Variants in CROCC2 observed in about 807,000 individuals in gnomAD.
CROCC2 encodes ciliary rootlet coiled-coil protein 2.
Under a neutral mutation model 177.6 loss-of-function variants are expected in CROCC2, and 163 were observed. The observed-to-expected ratio is 0.92, with a 90% CI of 0.81 to 1.05. The LOEUF (loss-of-function observed/expected upper bound fraction) is 1.05, where lower values mean the gene tolerates loss of function less well. CROCC2 is among the 50% of genes least tolerant of loss of function. The probability of loss-of-function intolerance (pLI) is 0.00; values close to 1 mark genes in which losing one functional copy is unlikely to be tolerated. For synonymous variants in CROCC2, 904 were observed against 787.3 expected (o/e 1.15, Z -2.48); for missense variants, 1,929 against 1,797.8 (o/e 1.07, Z -1.32).
chr2:240,913,483 T>G (rs2059300668), intron 1 of CROCC2, among the ~76,000 whole-genome samples: 1 of 152,244 alleles, frequency 6.6e-6, no homozygotes, highest in African/African-American at 2.4e-5. Context: ...GCTCTCAGTC[T>G]TCTGAGCAGG....
chr2:240,983,581 A>G, intron 28 of CROCC2: 1 of 1,281,034 alleles, frequency 7.8e-7, no homozygotes, highest in Non-Finnish European at 1.0e-6. Context: ...TCGCACAGGT[A>G]GGCGGCAGCG....
Position 240,949,281 on chromosome 2 carries a change from C to T in CROCC2, c.2482+184C>T, listed in dbSNP as rs893396565. The T allele has an allele frequency of 3.6e-5, 30 of 825,194 alleles. No individual in the cohort carries two copies. Among genetic ancestry groups the T allele is most frequent in the Middle Eastern group, 6.0e-4 (1 of 1,658 alleles). 51.1% of individuals were successfully genotyped at this position (825,194 alleles called of 1,614,324 possible). On this transcript the variant is annotated intron_variant, in intron 16 of 31. Transcript: ENST00000690015. This position sits in a 1 kb window ranked among gnomAD's most constrained non-coding sequence, Gnocchi z 4.5. ...CCCTCGCCCATGAGGAGCAGCAACA[C>T]CCTGCCCAGGCTGCACCTGGTGCCA... is the stretch of plus-strand genomic sequence containing the variant.
intron 26 of CROCC2, 24 bp from the exon 27 acceptor site, chr2:240,968,105 C>G: frequency 7.1e-7 from 1 of 1,415,500 alleles, no homozygotes; most frequent in Non-Finnish European, 9.2e-7. Context: ...GGGGGCCCCT[C>G]AAGCCACCCT....
intron 14 of CROCC2, among the ~76,000 whole-genome samples, chr2:240,939,781 C>T (rs1396249309): frequency 1.3e-5 from 2 of 152,100 alleles, no homozygotes; most frequent in Non-Finnish European, 2.9e-5. Context: ...TTTTCTCTTT[C>T]CCCATGTGAT....
At chr2:240,975,886 C>T (rs1010526701) in intron 27 of CROCC2, among the ~76,000 whole-genome samples, 6 of 151,962 alleles carry the variant, frequency 3.9e-5, no homozygotes, top group Admixed American at 6.6e-5. Context: ...CCCGCCACCA[C>T]GCCCGGCTAA....
rs1439009507 is a variant in CROCC2 at position 240,965,495 on chromosome 2, A to G, written c.3580A>G (p.Lys1194Glu). The G allele has an allele frequency of 6.5e-7, 1 of 1,550,198 alleles. No homozygotes were observed. Among genetic ancestry groups the G allele is most frequent in the Admixed American group, 2.0e-5 (1 of 51,002 alleles). ...GAGGCAGGCAGCCAAGGCAGAGGCCAAGCACGAGGGTGCCCGGAAGGAGGT... is the reference window on the plus strand; with the variant it reads ...GAGGCAGGCAGCCAAGGCAGAGGCCGAGCACGAGGGTGCCCGGAAGGAGGT... ...LRRQAAKAEA[K>E]HEGARKEVLG... The change falls in exon 23 of 32, where the codon AAG (lysine) becomes GAG (glutamate). Residue 1194 changes from lysine to glutamate, a missense_variant. Physicochemically the swap from Lys to Glu is moderately conservative, Grantham distance 56. Around this residue, in one of 3 missense-constraint regions of CROCC2, gnomAD observed 144 missense variants for 205.2 expected, o/e 0.70. Transcript: ENST00000690015.
intron 27 of CROCC2, among the ~76,000 whole-genome samples, chr2:240,975,137 G>C (rs78357181): frequency 2.4e-3 from 370 of 152,340 alleles, no homozygotes; most frequent in African/African-American, 8.6e-3. Flanking sequence ...AAGAATAGAT[G>C]TTTGAGATTT....
chr2:240,969,996 CTGGGAT>C (rs1472418928), intron 27 of CROCC2, among the ~76,000 whole-genome samples: 9 of 152,190 alleles, frequency 5.9e-5, no homozygotes, highest in Non-Finnish European at 1.3e-4. Flanking sequence ...TCCCAAAGTG[CTGGGAT>C]TACAGGTGTG....
chr2:240,958,577 GC>G lies in CROCC2; in HGVS notation c.2944-718del. The G allele has an allele frequency of 4.1e-6, 4 of 985,104 alleles. No individual in the cohort carries two copies. The highest frequency in any genetic ancestry group is 3.6e-6 in the Non-Finnish European group (3 of 829,730). The allele number at this position is 985,104 out of a possible 1,614,324, so 61.0% of individuals were successfully genotyped here. A position where few individuals can be genotyped will look rare whatever the true frequency, so the allele number is the denominator to read the frequency against. On this transcript the variant is annotated intron_variant, in intron 19 of 31. Coordinates refer to ENST00000690015, the MANE Select transcript of CROCC2 (RefSeq NM_001351305.2). The surrounding 1 kb of genome is among the most constrained non-coding windows in gnomAD (Gnocchi z 6.7). ...TGGAGGGAGCCATCCCCCACCAGCC[GC>G]CCCCCGCCAGCCGCCTGCTGCTGCC...
intron 7 of CROCC2, among the ~76,000 whole-genome samples, chr2:240,931,523 T>C (rs2059431054): frequency 6.6e-6 from 1 of 152,152 alleles, no homozygotes; most frequent in South Asian, 2.1e-4. Flanking sequence ...TCCTGCCCGA[T>C]ATGAAGGACA....
intron 14 of CROCC2, among the ~76,000 whole-genome samples, chr2:240,940,920 G>A (rs184823100): frequency 5.0e-4 from 76 of 152,198 alleles, no homozygotes; most frequent in African/African-American, 1.7e-3. Flanking sequence ...ACTGTTTTCC[G>A]ATGATATAAT....
intron 27 of CROCC2, among the ~76,000 whole-genome samples, chr2:240,974,251 T>C (rs192124750): frequency 1.7e-3 from 261 of 152,326 alleles, no homozygotes; most frequent in Admixed American, 4.4e-3. Flanking sequence ...TTTATTCCTC[T>C]TTTCAAAGAA....
intron 2 of CROCC2, among the ~76,000 whole-genome samples, 179 bp downstream of exon 2, chr2:240,919,055 GGGGGAC>G (rs2059340037): frequency 2.8e-5 from 1 of 36,268 alleles, no homozygotes; most frequent in African/African-American, 7.7e-5. Context: ...GTGATGGCGT[GGGGGAC>G]GGTCCTGGGC....
At chr2:240,963,490 G>A (rs922640414) in intron 20 of CROCC2, 66 bp from the exon 21 acceptor site, 4 of 1,429,072 alleles carry the variant, frequency 2.8e-6, no homozygotes, top group Non-Finnish European at 3.7e-6. Flanking sequence ...GAGGCCACAG[G>A]CCCCTGTGGC....
rs961455239 is a variant in CROCC2 at position 240,972,806 on chromosome 2, A to G, written c.4401+4544A>G. Among the ~76,000 whole-genome samples, 1 of 152,006 alleles carries G rather than the reference A, an allele frequency of 6.6e-6. No individual in the cohort carries two copies. Among genetic ancestry groups the G allele is most frequent in the African/African-American group, 2.4e-5 (1 of 41,360 alleles). ...TCCAAGTCCCTGGTCTCCAGCTCTG[A>G]GGAAAGTTTTTCCCAACTTTTTGTA... On this transcript the variant is annotated intron_variant, in intron 27 of 31. Transcript: ENST00000690015. The surrounding 1 kb of genome is among the most constrained non-coding windows in gnomAD (Gnocchi z 7.1).
At chr2:240,915,605 AC>A (rs2106451137) in intron 1 of CROCC2, among the ~76,000 whole-genome samples, 1 of 152,236 alleles carries the variant, frequency 6.6e-6, no homozygotes, top group East Asian at 1.9e-4. Flanking sequence ...CCCTGCTCTA[AC>A]CCTGTGGAGG....
chr2:240,907,342 C>T (rs927296588), intron 1 of CROCC2, among the ~76,000 whole-genome samples: 5 of 152,090 alleles, frequency 3.3e-5, no homozygotes, highest in East Asian at 1.9e-4. Flanking sequence ...ACCCAGCCTG[C>T]GGTCCCACCT....
chr2:240,919,959 C>G (rs961272381), intron 2 of CROCC2, 24 bp from the exon 3 acceptor site: 2 of 715,358 alleles, frequency 2.8e-6, no homozygotes, highest in African/African-American at 3.5e-5. Flanking sequence ...TCTGGCCACC[C>G]AGGCTGACCC....
In CROCC2 at chr2:240,935,366, G is replaced by A; in HGVS notation, c.1947G>A (p.Gln649=). The stretch of plus-strand genomic sequence containing the variant: ...CCGACACCTGGTGGCAGCTGGAGCA[G>A]GAGCGGGACCAGCTGCGGGAACAGC... The part of the protein sequence containing the change: ...ALNHLALQLE[Q]ERDQLREQRK... Residue 649 remains glutamine, a synonymous_variant, in exon 14 of 32, where the codon CAG becomes CAA. Transcript: ENST00000690015. The A allele has an allele frequency of 7.4e-7, 1 of 1,356,590 alleles. No individual in the cohort carries two copies. Among genetic ancestry groups the A allele is most frequent in the Non-Finnish European group, 9.5e-7 (1 of 1,048,170 alleles). The allele number at this position is 1,356,590 out of a possible 1,614,324, so 84.0% of individuals were successfully genotyped here. A position where few individuals can be genotyped will look rare whatever the true frequency, so the allele number is the denominator to read the frequency against.
Sources: allele counts gnomAD v4.1 joint callset (sites outside exome capture counted in the v4.1 genomes callset), GRCh38; gene constraint gnomAD v4.1.1; regional missense constraint gnomAD v4.1.1; non-coding constraint Gnocchi (gnomAD v3.1); transcripts MANE v1.5; gene names NCBI Gene and HGNC (gene_info 2026-07-23, HGNC 2026-07-21).